RYR1: variants seen among roughly 807,000 people sequenced by gnomAD.
The protein encoded by RYR1 is ryanodine receptor 1.
In RYR1, 342 loss-of-function variants were observed where a neutral mutation model predicts 583.5. The observed-to-expected ratio is 0.59, with a 90% CI of 0.54 to 0.64. The LOEUF (loss-of-function observed/expected upper bound fraction) is 0.64. Among genes scored for constraint, RYR1 ranks in the 30% least tolerant of loss-of-function variants. The pLI is 0.00. For missense variants in RYR1, 6,032 were observed against 6,917.2 expected, an observed-to-expected ratio of 0.87 and a Z score of 4.54; for synonymous variants, 2,791 against 2,822.5, an observed-to-expected ratio of 0.99 and a Z score of 0.35.
In RYR1 at chr19:38,499,841, C is replaced by T; in HGVS notation, c.7214+20C>T. ...CGAGCAGTGAGTCTCCCGGCCCCCT[C>T]CTCAATAGGGCAACCCGCCCTCCCT... On this transcript the variant is annotated intron_variant, in intron 44 of 105. Transcript: ENST00000359596. This position sits in a 1 kb window ranked among gnomAD's most constrained non-coding sequence, Gnocchi z 7.3. 2 of 1,610,320 alleles carry T rather than the reference C, an allele frequency of 1.2e-6. No individual in the cohort carries two copies. The highest frequency in any genetic ancestry group is 1.7e-6 in the Non-Finnish European group (2 of 1,179,638).
chr19:38,572,801 A>G (rs1973780077), intron 95 of RYR1, among the ~76,000 whole-genome samples: 1 of 122,662 alleles, frequency 8.2e-6, no homozygotes, highest in African/African-American at 3.3e-5. Context: ...ATATGCCCCT[A>G]CATCCCAGCC....
At chr19:38,510,257 A>C (rs920164909) in intron 58 of RYR1, among the ~76,000 whole-genome samples, 5 of 152,032 alleles carry the variant, frequency 3.3e-5, no homozygotes, top group Non-Finnish European at 7.4e-5. Flanking sequence ...GGAGGCAGAG[A>C]GTGCAGTGAG....
rs1969720953 is a variant in RYR1, at chr19:38,494,604, A to T, written c.6527A>T (p.Asn2176Ile). The T allele has an allele frequency of 6.2e-7, 1 of 1,613,976 alleles. No homozygotes were observed. Among genetic ancestry groups the T allele is most frequent in the Admixed American group, 1.7e-5 (1 of 60,006 alleles). ...GTGCAGATGGGCCCCCAGGAGGAGAACCTCATGATCCAGAGCATCGGGTGA... is the reference window on the plus strand; with the variant it reads ...GTGCAGATGGGCCCCCAGGAGGAGATCCTCATGATCCAGAGCATCGGGTGA... ...LIVQMGPQEE[N>I]LMIQSIGNIM... is the part of the protein sequence containing the mutation. The change falls in exon 39 of 106, where the codon AAC (asparagine) becomes ATC (isoleucine). Residue 2176 changes from asparagine (N) to isoleucine (I), a missense_variant. Around this residue, in one of 11 missense-constraint regions of RYR1, gnomAD observed 2,627 missense variants for 2,961.3 expected, o/e 0.89. Coordinates refer to ENST00000359596, the MANE Select transcript of RYR1 (RefSeq NM_000540.3).
rs1034845209 is a variant in RYR1 at position 38,519,103 on chromosome 19, C to T, written c.10019-111C>T. 7.6e-6 allele frequency: 12 copies of T among 1,576,028 alleles called. No homozygotes were observed. In the African/African-American group the frequency reaches 1.3e-4, roughly 18 times the overall value. On this transcript the variant is annotated intron_variant, in intron 66 of 105. Transcript: ENST00000359596. ...TCCAAGGTTAGGGTCAGGCTGGGGT[C>T]AAATGGCAGCTGCTAGGTTGGAGAT...
chr19:38,543,657 C>G lies in RYR1; in HGVS notation c.11904C>G (p.Ile3968Met). 1 of 1,613,796 alleles carries G rather than the reference C, an allele frequency of 6.2e-7. No individual in the cohort carries two copies. The highest frequency in any genetic ancestry group is 8.5e-7 in the Non-Finnish European group (1 of 1,180,030). The change falls in exon 86 of 106, where the codon ATC becomes ATG. Residue 3968 changes from isoleucine to methionine, a missense_variant. Coordinates refer to ENST00000359596, the MANE Select transcript of RYR1 (RefSeq NM_000540.3). The surrounding 1 kb of genome is among the most constrained non-coding windows in gnomAD (Gnocchi z 4.4). Reference sequence around the variant, plus strand: ...TGTTCAACAGCCTCACTGAGTACATCCAGGTAGGGCGCTCCCCCTGGGGCG... The same window carrying G: ...TGTTCAACAGCCTCACTGAGTACATGCAGGTAGGGCGCTCCCCCTGGGGCG... ...KQVFNSLTEYIQGPCTGNQQS... is the reference protein window; with the variant it reads ...KQVFNSLTEYMQGPCTGNQQS...
At chr19:38,559,608 A>G (rs1973035929) in intron 89 of RYR1, among the ~76,000 whole-genome samples, 2 of 152,026 alleles carry the variant, frequency 1.3e-5, no homozygotes, top group South Asian at 2.1e-4. Flanking sequence ...AGGTGAGGGC[A>G]GAAGGTGAGG....
At chr19:38,457,394 C>G (rs114840566) in intron 16 of RYR1, 103 bp from the exon 17 acceptor site, 1 of 1,538,100 alleles carries the variant, frequency 6.5e-7, no homozygotes, top group Non-Finnish European at 9.0e-7. Context: ...CATCTTATCC[C>G]GATGCGCTGT....
chr19:38,472,897 G>A (rs1968501119), intron 27 of RYR1, among the ~76,000 whole-genome samples: 1 of 150,858 alleles, frequency 6.6e-6, no homozygotes, highest in African/African-American at 2.4e-5. Context: ...ACAGTTTTTG[G>A]GGCAAATTTT....
At chr19:38,443,868 G>A (rs945687535) in intron 5 of RYR1, 72 bp downstream of exon 5, 4 of 1,401,234 alleles carry the variant, frequency 2.9e-6, no homozygotes, top group Non-Finnish European at 4.0e-6. Context: ...AAGGTCTGCA[G>A]AACGCCAAGG....
At position 38,444,588 on chromosome 19, in the gene RYR1, T is replaced by C. The variant is rs1405146179; in HGVS notation, c.542T>C (p.Leu181Pro). 1.2e-6 allele frequency: 2 copies of C among 1,613,534 alleles called. No homozygotes were observed. Among genetic ancestry groups the C allele is most frequent in the East Asian group, 2.2e-5 (1 of 44,868 alleles). Residue 181 changes from leucine (L) to proline (P), a missense_variant, in exon 7 of 106, where the codon CTG becomes CCG. This residue lies in a region of RYR1 where 338 missense variants were observed against 441.6 expected (regional missense o/e 0.77). Transcript: ENST00000359596. The surrounding 1 kb of genome is among the most constrained non-coding windows in gnomAD (Gnocchi z 5.1). ...VSVSSERYLH[L>P]STASGELQVD... ...CCGCATCCTGGTGGCCCCCAGCACC[T>C]GTCGACCGCCAGTGGGGAGCTCCAG...
At chr19:38,454,568 A>G (rs1323711520) in intron 13 of RYR1, among the ~76,000 whole-genome samples, 2 of 152,226 alleles carry the variant, frequency 1.3e-5, no homozygotes, top group Admixed American at 6.5e-5. Context: ...AACATAAAAA[A>G]CAAGGTTATG....
chr19:38,523,861 C>T, intron 69 of RYR1, 54 bp from the exon 70 acceptor site: 1 of 1,613,726 alleles, frequency 6.2e-7, no homozygotes, highest in Non-Finnish European at 8.5e-7. Context: ...GCCTGGGCTT[C>T]TCTGCGGGGC....
intron 89 of RYR1, among the ~76,000 whole-genome samples, chr19:38,553,784 C>A (rs1320086783): frequency 6.6e-6 from 1 of 152,214 alleles, no homozygotes; most frequent in Non-Finnish European, 1.5e-5. Flanking sequence ...ATCCTTCCAT[C>A]ATTTTTTAAA....
chr19:38,526,869 C>A lies in RYR1; in HGVS notation c.10627-124C>A. On this transcript the variant is annotated intron_variant, in intron 71 of 105. Coordinates refer to ENST00000359596, the MANE Select transcript of RYR1 (RefSeq NM_000540.3). The stretch of plus-strand genomic sequence containing the variant: ...TCTGCATCCTTTTGTTTCTCTCAGA[C>A]CCCCACCCCCACCCCAGAAAAACCT... 6.0e-6 allele frequency: 6 copies of A among 995,594 alleles called. No homozygotes were observed. In the South Asian group the frequency reaches 7.9e-5, roughly 13 times the overall value. The allele number at this position is 995,594 out of a possible 1,614,324, so 61.7% of individuals were successfully genotyped here.
At chr19:38,584,439 GCC>G (rs1974363633) in intron 101 of RYR1, among the ~76,000 whole-genome samples, 1 of 91,160 alleles carries the variant, frequency 1.1e-5, no homozygotes, top group Non-Finnish European at 2.1e-5. Context: ...CTCTGCCTGT[GCC>G]CCCCACCCAA....
At chr19:38,465,417 A>C (rs944238524) in intron 23 of RYR1, among the ~76,000 whole-genome samples, 33 of 151,936 alleles carry the variant, frequency 2.2e-4, no homozygotes, top group African/African-American at 7.7e-4. Context: ...GCAGTGAGCC[A>C]TGATTGCACC....
intron 93 of RYR1, among the ~76,000 whole-genome samples, chr19:38,570,064 T>G (rs149011665): frequency 9.2e-4 from 140 of 152,202 alleles, no homozygotes; most frequent in Middle Eastern, 6.8e-3. Flanking sequence ...CTTAGGAGGC[T>G]GAGTCATGAG....
chr19:38,507,453 A>T (rs970450397), intron 57 of RYR1, among the ~76,000 whole-genome samples: 2 of 148,268 alleles, frequency 1.3e-5, no homozygotes, highest in Non-Finnish European at 3.0e-5. Context: ...AAGGGCTGAG[A>T]AGGGCAGGGC....
intron 84 of RYR1, among the ~76,000 whole-genome samples, chr19:38,540,950 G>A (rs149327412): frequency 0.056 from 7,992 of 143,168 alleles, 504 homozygotes; most frequent in South Asian, 0.23. Flanking sequence ...ATACTACAGT[G>A]TAATAAACCT....
Sources: allele counts gnomAD v4.1 joint callset (sites outside exome capture counted in the v4.1 genomes callset), GRCh38; gene constraint gnomAD v4.1.1; regional missense constraint gnomAD v4.1.1; non-coding constraint Gnocchi (gnomAD v3.1); transcripts MANE v1.5; gene names NCBI Gene and HGNC (gene_info 2026-07-23, HGNC 2026-07-21).